Variants in LYN observed in about 807,000 individuals in gnomAD.
The protein encoded by LYN is LYN proto-oncogene, Src family tyrosine kinase.
A neutral mutation model predicts 65.0 loss-of-function variants in LYN; 12 were observed. The ratio of observed to expected loss-of-function variants is 0.18; its 90% CI spans 0.12 to 0.30. LYN has a LOEUF of 0.30. Among genes scored for constraint, LYN ranks in the 10% least tolerant of loss-of-function variants. The pLI is 1.00. For missense variants in LYN, 380 were observed against 623.2 expected (o/e 0.61, Z 4.16); for synonymous variants, 222 against 221.2 (o/e 1.00, Z -0.03).
chr8:55,929,880 C>T (rs781346549), intron 1 of LYN, among the ~76,000 whole-genome samples: 46 of 152,198 alleles, frequency 3.0e-4, no homozygotes, highest in Non-Finnish European at 4.6e-4. Context: ...TCAGGCATCC[C>T]CAACCCCTGG....
chr8:55,954,799 C>T (rs957199461), intron 8 of LYN, among the ~76,000 whole-genome samples: 1 of 151,898 alleles, frequency 6.6e-6, no homozygotes, highest in African/African-American at 2.4e-5. Flanking sequence ...GGCACTCCTG[C>T]ACTCCAGCCT....
intron 1 of LYN, among the ~76,000 whole-genome samples, chr8:55,902,338 T>C (rs1293788662): frequency 6.7e-6 from 1 of 150,106 alleles, no homozygotes; most frequent in African/African-American, 2.4e-5. Context: ...TTTCTTTTTT[T>C]TTTTTTTGAG....
chr8:56,010,309 A>G lies in LYN; in HGVS notation c.*199A>G. The G allele has an allele frequency of 1.8e-6, 1 of 561,196 alleles. No homozygotes were observed. The highest frequency in any genetic ancestry group is 2.0e-5 in the South Asian group (1 of 49,532). The allele number at this position is 561,196 out of a possible 1,614,324, so 34.8% of individuals were successfully genotyped here. ...GTACTCTTAGATGGATTCTCCACTC[A>G]GTTGCAACTTGGACTTGTCCTCAGC... On this transcript the variant is annotated 3_prime_UTR_variant, in exon 13 of 13. Transcript: ENST00000519728.
chr8:55,909,432 A>G lies in LYN; in HGVS notation c.-6+29329A>G, dbSNP rs113797373. 1.6e-3 allele frequency among the ~76,000 whole-genome samples: 241 copies of G among 152,294 alleles called. 6 individuals carry two copies. The highest frequency in any genetic ancestry group is 5.4e-3 in the African/African-American group (223 of 41,574). On this transcript the variant is annotated intron_variant, in intron 1 of 12. Coordinates refer to ENST00000519728, the MANE Select transcript of LYN (RefSeq NM_002350.4). ...GTGGGATTCTGACTTGGACATGTTCAGTCATAATCCCACAGATGGCAGATT... is the reference window on the plus strand; with the variant it reads ...GTGGGATTCTGACTTGGACATGTTCGGTCATAATCCCACAGATGGCAGATT...
intron 8 of LYN, among the ~76,000 whole-genome samples, chr8:55,954,768 G>A (rs1807055075): frequency 6.6e-6 from 1 of 152,072 alleles, no homozygotes; most frequent in South Asian, 2.1e-4. Flanking sequence ...CAAGGAGGTC[G>A]AGGCTGCAGT....
intron 12 of LYN, among the ~76,000 whole-genome samples, chr8:56,004,925 C>T (rs755880372): frequency 3.3e-5 from 5 of 152,164 alleles, no homozygotes; most frequent in Non-Finnish European, 4.4e-5. Flanking sequence ...GCTAGGACTA[C>T]AGGCGCATGC....
At chr8:56,006,191 A>G (rs1252252654) in intron 12 of LYN, among the ~76,000 whole-genome samples, 4 of 152,238 alleles carry the variant, frequency 2.6e-5, no homozygotes, top group African/African-American at 4.8e-5. Flanking sequence ...AAGCATCATG[A>G]CTTTTCTGGC....
At chr8:55,901,778 G>A (rs1805272419) in intron 1 of LYN, among the ~76,000 whole-genome samples, 1 of 152,200 alleles carries the variant, frequency 6.6e-6, no homozygotes, top group Non-Finnish European at 1.5e-5. Context: ...CTAGGAACCG[G>A]CTCCCAGCTG....
chr8:55,937,792 C>T (rs372291286), intron 1 of LYN, among the ~76,000 whole-genome samples: 2 of 152,250 alleles, frequency 1.3e-5, no homozygotes, highest in East Asian at 3.9e-4. Flanking sequence ...GCCTCCCAGG[C>T]TCAAGGGATT....
At chr8:55,903,213 G>A (rs555848330) in intron 1 of LYN, among the ~76,000 whole-genome samples, 3 of 152,138 alleles carry the variant, frequency 2.0e-5, no homozygotes, top group Middle Eastern at 3.4e-3. Context: ...GGCTGGTCTC[G>A]AACTCCTCAC....
chr8:55,949,033 C>A lies in LYN; in HGVS notation c.284+1310C>A, dbSNP rs144886883. Reference sequence around the variant, plus strand: ...CCTTCCCCCATTACCAGCTTACCTGCTTGCTTCTTCCAGTGCTCATCCCTG... The same window carrying A: ...CCTTCCCCCATTACCAGCTTACCTGATTGCTTCTTCCAGTGCTCATCCCTG... On this transcript the variant is annotated intron_variant, in intron 4 of 12. Coordinates refer to ENST00000519728, the MANE Select transcript of LYN (RefSeq NM_002350.4). Among the ~76,000 whole-genome samples, 7 of 152,254 alleles carry A rather than the reference C, an allele frequency of 4.6e-5. No homozygotes were observed. The East Asian group carries it at 1.4e-3, about 29-fold the overall frequency.
intron 4 of LYN, 47 bp from the exon 5 acceptor site, chr8:55,950,412 G>T: frequency 8.5e-7 from 1 of 1,181,816 alleles, no homozygotes; most frequent in South Asian, 1.3e-5. Flanking sequence ...TACATGCATG[G>T]AGTATGTAAT....
chr8:55,881,944 T>C lies in LYN; in HGVS notation c.-6+1841T>C, dbSNP rs947773918. 1.3e-5 allele frequency among the ~76,000 whole-genome samples: 2 copies of C among 152,322 alleles called. 1 individual carries two copies. Among genetic ancestry groups the C allele is most frequent in the South Asian group, 4.1e-4 (2 of 4,828 alleles). ...GAAGGCCTCCTGTGAGCTTGCCCTATGCAAAACTGAGGACATAGGGAGATG... is the reference window on the plus strand; with the variant it reads ...GAAGGCCTCCTGTGAGCTTGCCCTACGCAAAACTGAGGACATAGGGAGATG... On this transcript the variant is annotated intron_variant, in intron 1 of 12. Transcript: ENST00000519728.
intron 10 of LYN, chr8:55,980,207 C>G (rs1165176962): frequency 6.6e-6 from 1 of 152,352 alleles, no homozygotes; most frequent in Non-Finnish European, 1.5e-5. Flanking sequence ...CTCATCTGCA[C>G]TATTGCAGTT....
chr8:55,991,136 C>T (rs1383343985), intron 10 of LYN, among the ~76,000 whole-genome samples: 1 of 152,224 alleles, frequency 6.6e-6, no homozygotes, highest in Non-Finnish European at 1.5e-5. Context: ...TCCCTGATCC[C>T]ACTCTGCCAC....
At position 55,886,133 on chromosome 8, in the gene LYN, C is replaced by T. The variant is rs545517918; in HGVS notation, c.-6+6030C>T. The stretch of plus-strand genomic sequence containing the variant: ...AGACGTTTCGAAATCTTTTAATGTT[C>T]AGGCTACATAATAATTTTTAAATAC... On this transcript the variant is annotated intron_variant, in intron 1 of 12. Coordinates refer to ENST00000519728, the MANE Select transcript of LYN (RefSeq NM_002350.4). Among the ~76,000 whole-genome samples the T allele has an allele frequency of 9.7e-4, 147 of 152,236 alleles. 1 individual carries two copies. Among genetic ancestry groups the T allele is most frequent in the Admixed American group, 1.6e-3 (25 of 15,296 alleles).
At chr8:55,982,109 G>T (rs1473948250) in intron 10 of LYN, among the ~76,000 whole-genome samples, 3 of 152,070 alleles carry the variant, frequency 2.0e-5, no homozygotes, top group South Asian at 4.2e-4. Context: ...TGGGCTGGCG[G>T]ATTCTTAACA....
At chr8:55,939,412 C>T (rs1790545195) in intron 1 of LYN, among the ~76,000 whole-genome samples, 1 of 152,114 alleles carries the variant, frequency 6.6e-6, no homozygotes, top group African/African-American at 2.4e-5. Flanking sequence ...ATGTCACCAC[C>T]CCACCCACAT....
At chr8:55,909,038 CACACACACACA>C (rs1805521770) in intron 1 of LYN, among the ~76,000 whole-genome samples, 3 of 64,498 alleles carry the variant, frequency 4.7e-5, no homozygotes, top group East Asian at 8.5e-4. Flanking sequence ...CACACACACA[CACACACACACA>C]CACCCCACAT....
Sources: gnomAD v4.1 joint callset for allele counts (sites outside exome capture counted in the v4.1 genomes callset) on GRCh38, gnomAD v4.1.1 for gene constraint, MANE v1.5 for transcripts, NCBI Gene and HGNC (gene_info 2026-07-23, HGNC 2026-07-21) for gene names.